The following MAP2K3 variants were observed in gnomAD, a reference collection of about 807,000 sequenced individuals.
MAP2K3 encodes dual specificity mitogen-activated protein kinase kinase 3.
A neutral mutation model predicts 46.4 loss-of-function variants in MAP2K3; 30 were observed. That is an observed-to-expected ratio of 0.65 (90% CI 0.48 to 0.88). MAP2K3 has a LOEUF of 0.88. Ranked by LOEUF, MAP2K3 falls within the 40% of genes least tolerant of loss-of-function variation. The pLI is 0.00. For missense variants in MAP2K3, 380 were observed against 464.5 expected (o/e 0.82, Z 1.67); for synonymous variants, 189 against 176.3 (o/e 1.07, Z -0.57).
At chr17:21,293,673 C>T (rs1976075601) in intron 1 of MAP2K3, among the ~76,000 whole-genome samples, 1 of 152,258 alleles carries the variant, frequency 6.6e-6, no homozygotes, top group Non-Finnish European at 1.5e-5. Flanking sequence ...TGGCCTTGCA[C>T]AGCCGGGCAG....
At chr17:21,301,151 G>A (rs1010106671) in intron 5 of MAP2K3, among the ~76,000 whole-genome samples, 158 bp downstream of exon 5, 8 of 152,304 alleles carry the variant, frequency 5.3e-5, no homozygotes, top group Non-Finnish European at 1.2e-4. Flanking sequence ...GTCCTGCTCA[G>A]TGCCTCAGTT....
chr17:21,291,381 A>G (rs1975926473), intron 1 of MAP2K3: 3 of 288,878 alleles, frequency 1.0e-5, no homozygotes, highest in African/African-American at 1.1e-4. Flanking sequence ...CACAACACGT[A>G]GTGATAACAG....
chr17:21,314,510 G>C lies in MAP2K3; in HGVS notation c.*280G>C. 4.3e-6 allele frequency: 2 copies of C among 464,610 alleles called. No homozygotes were observed. The highest frequency in any genetic ancestry group is 5.1e-5 in the South Asian group (2 of 39,230). The allele number at this position is 464,610 out of a possible 1,614,324, so 28.8% of individuals were successfully genotyped here. A position where few individuals can be genotyped will look rare whatever the true frequency, so the allele number is the denominator to read the frequency against. ...GCTGCTGAGATCCTGGACTGAGGGG[G>C]CCTGGATGCCCCCTGTGGATGCTGC... On this transcript the variant is annotated 3_prime_UTR_variant, in exon 12 of 12. Transcript: ENST00000342679.
chr17:21,287,023 A>G (rs1284315444), intron 1 of MAP2K3, among the ~76,000 whole-genome samples: 1 of 152,252 alleles, frequency 6.6e-6, no homozygotes, highest in Non-Finnish European at 1.5e-5. Context: ...CTGAGGCGTT[A>G]AGTGCCTTGC....
intron 6 of MAP2K3, among the ~76,000 whole-genome samples, chr17:21,302,890 C>G (rs1488102032): frequency 6.6e-6 from 1 of 152,310 alleles, no homozygotes; most frequent in Non-Finnish European, 1.5e-5. Context: ...GGGAGGCTGC[C>G]AAGAGCTGGG....
intron 1 of MAP2K3, among the ~76,000 whole-genome samples, chr17:21,290,901 C>T (rs1274959203): frequency 6.6e-6 from 1 of 152,298 alleles, no homozygotes; most frequent in Non-Finnish European, 1.5e-5. Context: ...CAATGAGTGC[C>T]ACAGCACTCC....
chr17:21,299,038 A>T, intron 3 of MAP2K3, 112 bp downstream of exon 3: 1 of 1,498,142 alleles, frequency 6.7e-7, no homozygotes. Context: ...AGAGAGGGTC[A>T]GGCTCTGGAG....
chr17:21,303,981 G>A (rs899213985), intron 7 of MAP2K3, among the ~76,000 whole-genome samples: 1 of 152,312 alleles, frequency 6.6e-6, no homozygotes, highest in Non-Finnish European at 1.5e-5. Flanking sequence ...AATCCCTGCT[G>A]GGCTGCTCTC....
At chr17:21,296,726 T>C (rs926697610) in intron 1 of MAP2K3, among the ~76,000 whole-genome samples, 540 of 152,214 alleles carry the variant, frequency 3.5e-3, no homozygotes, top group African/African-American at 0.012. Context: ...GGGCCCTGCC[T>C]GTGGCCGGTG....
At chr17:21,301,078 A>G (rs1976572930) in intron 5 of MAP2K3, 85 bp downstream of exon 5, 2 of 1,605,674 alleles carry the variant, frequency 1.2e-6, no homozygotes, top group South Asian at 2.2e-5. Context: ...TCCCTCCAGT[A>G]CGCCAGGTGC....
At chr17:21,294,444 CTGTG>C in intron 1 of MAP2K3, among the ~76,000 whole-genome samples, 1 of 152,312 alleles carries the variant, frequency 6.6e-6, no homozygotes, top group South Asian at 2.1e-4. Flanking sequence ...CATCTTGCCC[CTGTG>C]GGTGACCCTT....
intron 4 of MAP2K3, 105 bp from the exon 5 acceptor site, chr17:21,300,769 T>G (rs1336577480): frequency 3.1e-6 from 5 of 1,608,464 alleles, no homozygotes; most frequent in Admixed American, 1.7e-5. Context: ...CTAGGCTTTT[T>G]GGGGCACACT....
At chr17:21,296,883 C>G (rs1976283445) in intron 1 of MAP2K3, among the ~76,000 whole-genome samples, 1 of 152,242 alleles carries the variant, frequency 6.6e-6, no homozygotes, top group Non-Finnish European at 1.5e-5. Context: ...AGGCAGGCAC[C>G]CAGTGCATGT....
intron 1 of MAP2K3, chr17:21,288,016 G>A (rs1975771059): frequency 7.8e-7 from 1 of 1,289,130 alleles, no homozygotes; most frequent in African/African-American, 1.5e-5. Context: ...CCAACCCATG[G>A]CCCAGCGCCC....
chr17:21,306,704 A>G (rs1976905552), intron 9 of MAP2K3, among the ~76,000 whole-genome samples: 1 of 152,086 alleles, frequency 6.6e-6, no homozygotes, highest in Non-Finnish European at 1.5e-5. Context: ...GCTGGTCTTG[A>G]ACTCCTGACC....
chr17:21,288,037 A>G (rs1975772501), intron 1 of MAP2K3: 3 of 1,288,962 alleles, frequency 2.3e-6, no homozygotes, highest in South Asian at 1.2e-5. Context: ...AAAGGGAGCA[A>G]AGTTCTCAGT....
At chr17:21,290,151 G>A (rs574418758) in intron 1 of MAP2K3, among the ~76,000 whole-genome samples, 6 of 152,378 alleles carry the variant, frequency 3.9e-5, no homozygotes, top group Admixed American at 3.3e-4. Context: ...CCTCACTGGG[G>A]CAGGGCTGCG....
Position 21,302,895 on chromosome 17 carries a change from G to A in MAP2K3, c.517-288G>A, listed in dbSNP as rs559814839. ...AGATGGGACAGGGAGGCTGCCAAGA[G>A]CTGGGTTTTACCCAAGAAGAGTGTG... is the stretch of plus-strand genomic sequence containing the variant. On this transcript the variant is annotated intron_variant, in intron 6 of 11. Transcript: ENST00000342679. 3.9e-5 allele frequency among the ~76,000 whole-genome samples: 6 copies of A among 152,428 alleles called. No homozygotes were observed. In the South Asian group the frequency reaches 1.2e-3, roughly 32 times the overall value.
rs920337133 is a variant in MAP2K3, at chr17:21,314,448, C to T, written c.*218C>T. On this transcript the variant is annotated 3_prime_UTR_variant, in exon 12 of 12. Transcript: ENST00000342679. ...CCAGCCAGGCCCTTGTCGGCCCCAC[C>T]AGTGCCTCTCCCTGCTGCTCCTAGG... The T allele has an allele frequency of 5.2e-5, 30 of 573,298 alleles. No individual in the cohort carries two copies. The highest frequency in any genetic ancestry group is 9.1e-5 in the Non-Finnish European group (29 of 319,116). The allele number at this position is 573,298 out of a possible 1,614,324, so 35.5% of individuals were successfully genotyped here.
Sources: allele counts gnomAD v4.1 joint callset (sites outside exome capture counted in the v4.1 genomes callset), GRCh38; gene constraint gnomAD v4.1.1; transcripts MANE v1.5; gene names NCBI Gene and HGNC (gene_info 2026-07-23, HGNC 2026-07-21).